Variants in PTPRD observed in about 807,000 individuals in gnomAD.
The protein encoded by PTPRD is receptor-type tyrosine-protein phosphatase delta.
In PTPRD, 34 loss-of-function variants were observed where a neutral mutation model predicts 214.5. The observed-to-expected ratio is 0.16, with a 90% confidence interval of 0.12 to 0.21. The LOEUF is 0.21. Ranked by LOEUF, PTPRD falls within the 10% of genes least tolerant of loss-of-function variation. PTPRD has a pLI of 1.00. For synonymous variants in PTPRD, 1,128 were observed against 845.7 expected (o/e 1.33, Z -5.79); for missense variants, 2,545 against 2,398.7 (o/e 1.06, Z -1.27).
intron 3 of PTPRD, among the ~76,000 whole-genome samples, chr9:10,264,615 A>AT (rs2093927825): frequency 6.6e-6 from 1 of 152,006 alleles, no homozygotes; most frequent in Non-Finnish European, 1.5e-5. Flanking sequence ...CTTGCTTTTG[A>AT]TTTTACAGCC....
At chr9:9,694,034 A>C (rs143677754) in intron 7 of PTPRD, among the ~76,000 whole-genome samples, 1 of 152,306 alleles carries the variant, frequency 6.6e-6, no homozygotes, top group East Asian at 1.9e-4. Flanking sequence ...AGTTTCCTCA[A>C]AACAGCAATT....
intron 14 of PTPRD, among the ~76,000 whole-genome samples, chr9:8,626,454 T>C (rs1418575300): frequency 6.6e-6 from 1 of 151,888 alleles, no homozygotes; most frequent in Non-Finnish European, 1.5e-5. Context: ...TACCATTGTT[T>C]ATACCCACCT....
intron 5 of PTPRD, among the ~76,000 whole-genome samples, chr9:9,912,291 C>T (rs774117123): frequency 2.0e-5 from 3 of 152,110 alleles, no homozygotes; most frequent in Non-Finnish European, 4.4e-5. Context: ...GTCATTTGTT[C>T]TGAGTTGGAA....
chr9:10,496,215 G>T (rs772772524), intron 2 of PTPRD, among the ~76,000 whole-genome samples: 1 of 151,532 alleles, frequency 6.6e-6, no homozygotes, highest in Non-Finnish European at 1.5e-5. Context: ...TGTTATCTTC[G>T]AATTTTTGTA....
At chr9:8,585,885 T>C (rs1440475889) in intron 14 of PTPRD, among the ~76,000 whole-genome samples, 1 of 152,222 alleles carries the variant, frequency 6.6e-6, no homozygotes, top group East Asian at 1.9e-4. Context: ...GAGTCAGTCA[T>C]CTCATAAATC....
chr9:8,728,311 T>C (rs2098609794), intron 12 of PTPRD, among the ~76,000 whole-genome samples: 1 of 152,368 alleles, frequency 6.6e-6, no homozygotes, highest in Non-Finnish European at 1.5e-5. Flanking sequence ...ACTTAAATGA[T>C]AGAGATAACA....
chr9:9,094,728 A>C (rs2099781044), intron 10 of PTPRD, among the ~76,000 whole-genome samples: 1 of 152,154 alleles, frequency 6.6e-6, no homozygotes, highest in Non-Finnish European at 1.5e-5. Context: ...TCCCTAATAA[A>C]TTTCATAAAA....
chr9:9,108,499 G>T (rs985092549), intron 10 of PTPRD, among the ~76,000 whole-genome samples: 4 of 152,068 alleles, frequency 2.6e-5, no homozygotes, highest in Non-Finnish European at 5.9e-5. Context: ...TCCACCCAAG[G>T]TTGAGGGACT....
chr9:10,365,987 C>T (rs1009461530), intron 2 of PTPRD, among the ~76,000 whole-genome samples: 1 of 152,110 alleles, frequency 6.6e-6, no homozygotes, highest in Non-Finnish European at 1.5e-5. Flanking sequence ...CAGTCAAATG[C>T]AGAATGGTGT....
At chr9:8,625,890 G>C (rs1480158320) in intron 14 of PTPRD, among the ~76,000 whole-genome samples, 3 of 150,552 alleles carry the variant, frequency 2.0e-5, no homozygotes, top group Admixed American at 1.3e-4. Context: ...AAAAAATCTT[G>C]CTATCTTTAA....
intron 14 of PTPRD, among the ~76,000 whole-genome samples, chr9:8,599,626 T>C (rs2094705128): frequency 8.2e-6 from 1 of 122,310 alleles, no homozygotes; most frequent in Non-Finnish European, 1.6e-5. Context: ...TTTTTTTTTT[T>C]TTTTTTTTTT....
At chr9:9,842,609 G>A (rs981248385) in intron 5 of PTPRD, among the ~76,000 whole-genome samples, 1 of 151,314 alleles carries the variant, frequency 6.6e-6, no homozygotes, top group South Asian at 2.1e-4. Flanking sequence ...TTCTGATTAT[G>A]AAGAAAACTG....
chr9:10,108,516 C>T (rs1181679192), intron 3 of PTPRD, among the ~76,000 whole-genome samples: 1 of 151,934 alleles, frequency 6.6e-6, no homozygotes, highest in East Asian at 1.9e-4. Context: ...CTACTCTCTG[C>T]TTCTATAAAT....
chr9:8,433,601 T>C (rs755417685), intron 35 of PTPRD, among the ~76,000 whole-genome samples: 22 of 152,166 alleles, frequency 1.4e-4, no homozygotes, highest in Non-Finnish European at 2.8e-4. Flanking sequence ...TCTTTGCAAC[T>C]TAGTTTTTAA....
At chr9:10,583,459 T>TC (rs1428652148) in intron 2 of PTPRD, among the ~76,000 whole-genome samples, 1 of 146,880 alleles carries the variant, frequency 6.8e-6, no homozygotes, top group Non-Finnish European at 1.5e-5. Flanking sequence ...TAGAAGTTCT[T>TC]TTTTTTTTTT....
chr9:10,503,197 A>AAC (rs2044403354), intron 2 of PTPRD, among the ~76,000 whole-genome samples: 1 of 132,058 alleles, frequency 7.6e-6, no homozygotes, highest in Admixed American at 7.1e-5. Flanking sequence ...GCAATACAAA[A>AAC]AAAAAAAAAA....
At chr9:10,603,442 G>A (rs894252422) in intron 2 of PTPRD, among the ~76,000 whole-genome samples, 4 of 151,690 alleles carry the variant, frequency 2.6e-5, no homozygotes, top group Admixed American at 2.6e-4. Flanking sequence ...TCTTATAAAA[G>A]CAGATCCACA....
chr9:8,414,486 T>G (rs958243263), intron 35 of PTPRD, among the ~76,000 whole-genome samples: 1 of 152,184 alleles, frequency 6.6e-6, no homozygotes, highest in Non-Finnish European at 1.5e-5. Context: ...ATAGTTTTTT[T>G]CATTTTTTTG....
chr9:10,255,858 A>G (rs750367762), intron 3 of PTPRD, among the ~76,000 whole-genome samples: 26 of 152,152 alleles, frequency 1.7e-4, no homozygotes, highest in Non-Finnish European at 3.5e-4. Flanking sequence ...AGACACAAAC[A>G]CACATCGTAG....
Sources: gnomAD v4.1 joint callset for allele counts (sites outside exome capture counted in the v4.1 genomes callset) on GRCh38, gnomAD v4.1.1 for gene constraint, MANE v1.5 for transcripts, NCBI Gene and HGNC (gene_info 2026-07-23, HGNC 2026-07-21) for gene names.